TPD52L1: variants seen among roughly 807,000 people sequenced by gnomAD.
TPD52L1 encodes tumor protein D53.
Under a neutral mutation model 28.7 loss-of-function variants are expected in TPD52L1, and 18 were observed. The observed-to-expected ratio is 0.63, with a 90% confidence interval of 0.43 to 0.93. The LOEUF (loss-of-function observed/expected upper bound fraction) is 0.93, where lower values mean the gene tolerates loss of function less well. Ranked by LOEUF, TPD52L1 falls within the 40% of genes least tolerant of loss-of-function variation. TPD52L1 has a pLI of 0.00. For missense variants in TPD52L1, 203 were observed against 254.8 expected (o/e 0.80, Z 1.39); for synonymous variants, 75 against 88.8 (o/e 0.84, Z 0.88).
chr6:125,224,117 C>T (rs1795441690), intron 2 of TPD52L1, among the ~76,000 whole-genome samples: 1 of 151,782 alleles, frequency 6.6e-6, no homozygotes, highest in Admixed American at 6.6e-5. Context: ...GTGCCACTAT[C>T]ATCCCACTCC....
chr6:125,233,532 C>T (rs986762241), intron 3 of TPD52L1, among the ~76,000 whole-genome samples: 5 of 152,136 alleles, frequency 3.3e-5, no homozygotes, highest in African/African-American at 1.2e-4. Context: ...TTACACAAGG[C>T]AGGAAGTAGA....
At chr6:125,228,928 T>C in intron 2 of TPD52L1, 190 bp from the exon 3 acceptor site, 1 of 427,662 alleles carries the variant, frequency 2.3e-6, no homozygotes, top group Non-Finnish European at 4.1e-6. Flanking sequence ...CTATAATCAT[T>C]AAAATGAAAA....
At chr6:125,211,570 T>A (rs889334990) in intron 1 of TPD52L1, among the ~76,000 whole-genome samples, 1 of 152,172 alleles carries the variant, frequency 6.6e-6, no homozygotes, top group Non-Finnish European at 1.5e-5. Flanking sequence ...GTATGCAGAT[T>A]TCCCTGATCC....
At chr6:125,154,592 C>T in intron 1 of TPD52L1, 8 of 957,706 alleles carry the variant, frequency 8.4e-6, no homozygotes, top group Non-Finnish European at 9.9e-6. Flanking sequence ...CGCGGGGCCC[C>T]CGGCCGCCCA....
At chr6:125,155,682 TAAGA>T (rs57514240) in intron 1 of TPD52L1, among the ~76,000 whole-genome samples, 23,493 of 152,072 alleles carry the variant, frequency 0.15, 2,207 homozygotes, top group African/African-American at 0.27. Context: ...ATGCTGATGC[TAAGA>T]AAGGGCCTCA....
At chr6:125,260,981 GAAAAGAAAGAAAGAAA>G (rs1797961296) in intron 6 of TPD52L1, 1 of 55,450 alleles carries the variant, frequency 1.8e-5, no homozygotes, top group Non-Finnish European at 3.2e-5. Flanking sequence ...AGAAAGAAAA[GAAAAGAAAGAAAGAAA>G]GAAAGAAAGA....
chr6:125,220,196 A>T lies in TPD52L1; in HGVS notation c.135+3A>T. 1 of 1,571,490 alleles carries T rather than the reference A, an allele frequency of 6.4e-7. No homozygotes were observed. The highest frequency in any genetic ancestry group is 8.8e-7 in the Non-Finnish European group (1 of 1,141,424). Reference sequence around the variant, plus strand: ...AGTTAAAAGCAGAGTTAGTTCAGGTATGTTTAGTAATCTTATTGTTGCTAT... The same window carrying T: ...AGTTAAAAGCAGAGTTAGTTCAGGTTTGTTTAGTAATCTTATTGTTGCTAT... On this transcript the variant is annotated splice_donor_region_variant and intron_variant, in intron 2 of 6. Transcript: ENST00000534000.
intron 4 of TPD52L1, among the ~76,000 whole-genome samples, chr6:125,251,268 A>T (rs1049071488): frequency 6.6e-6 from 1 of 152,162 alleles, no homozygotes; most frequent in African/African-American, 2.4e-5. Context: ...ATTAGTCTAC[A>T]TTTTTATTAG....
chr6:125,211,458 C>T (rs1164083393), intron 1 of TPD52L1, among the ~76,000 whole-genome samples: 5 of 152,262 alleles, frequency 3.3e-5, no homozygotes, highest in African/African-American at 1.2e-4. Flanking sequence ...AAAGTCTGTG[C>T]TGCAATATGT....
intron 1 of TPD52L1, among the ~76,000 whole-genome samples, chr6:125,180,870 A>G (rs757956822): frequency 5.9e-5 from 9 of 152,228 alleles, no homozygotes; most frequent in Non-Finnish European, 1.2e-4. Context: ...TTGCAGCCAA[A>G]TGACTTGCTA....
At chr6:125,210,168 A>G (rs1022563022) in intron 1 of TPD52L1, among the ~76,000 whole-genome samples, 5 of 152,244 alleles carry the variant, frequency 3.3e-5, no homozygotes, top group African/African-American at 1.2e-4. Context: ...ATAAATTCCA[A>G]TGAGCTCAGA....
chr6:125,205,479 G>A (rs1794064366), intron 1 of TPD52L1, among the ~76,000 whole-genome samples: 1 of 152,172 alleles, frequency 6.6e-6, no homozygotes, highest in Non-Finnish European at 1.5e-5. Flanking sequence ...ACAAGCTAGG[G>A]ATGGGACCAG....
chr6:125,172,525 T>TTATATATAC, intron 1 of TPD52L1, among the ~76,000 whole-genome samples: 2 of 71,160 alleles, frequency 2.8e-5, no homozygotes, highest in South Asian at 8.5e-4. Flanking sequence ...TATATATATA[T>TTATATATAC]ATATATATAT....
chr6:125,201,383 A>C (rs920116568), intron 1 of TPD52L1, among the ~76,000 whole-genome samples: 1 of 152,248 alleles, frequency 6.6e-6, no homozygotes, highest in East Asian at 1.9e-4. Flanking sequence ...GAAAAATAGT[A>C]TACAGTGTGG....
intron 1 of TPD52L1, among the ~76,000 whole-genome samples, chr6:125,156,520 AG>A (rs1157407173): frequency 1.3e-5 from 2 of 150,998 alleles, no homozygotes; most frequent in Non-Finnish European, 2.9e-5. Flanking sequence ...CTGTAATTCC[AG>A]CACTTTGGGA....
At chr6:125,253,533 C>T (rs931991466) in intron 4 of TPD52L1, 184 bp from the exon 5 acceptor site, 2 of 576,854 alleles carry the variant, frequency 3.5e-6, no homozygotes, top group Non-Finnish European at 6.1e-6. Flanking sequence ...TCATTTATAC[C>T]CTTGAAAGCT....
chr6:125,226,447 G>T lies in TPD52L1; in HGVS notation c.136-2671G>T, dbSNP rs1795616336. On this transcript the variant is annotated intron_variant, in intron 2 of 6. Coordinates refer to ENST00000534000, the MANE Select transcript of TPD52L1 (RefSeq NM_003287.4). ...TTATTAAAAATTTAATGGCAGCTCT[G>T]AATCCTTTCCTCACTCCCCACCTCC... 1.3e-5 allele frequency among the ~76,000 whole-genome samples: 2 copies of T among 151,942 alleles called. 1 individual carries two copies. The highest frequency in any genetic ancestry group is 4.2e-4 in the South Asian group (2 of 4,804).
intron 1 of TPD52L1, among the ~76,000 whole-genome samples, chr6:125,192,665 T>C (rs1196310659): frequency 6.6e-6 from 1 of 152,184 alleles, no homozygotes; most frequent in Non-Finnish European, 1.5e-5. Flanking sequence ...TCTGAATTAA[T>C]AAGAACCAAG....
At chr6:125,169,503 T>C (rs1397719087) in intron 1 of TPD52L1, among the ~76,000 whole-genome samples, 2 of 152,172 alleles carry the variant, frequency 1.3e-5, no homozygotes, top group Non-Finnish European at 2.9e-5. Context: ...CTCATTTCAG[T>C]TAATGACAAC....
Sources: gnomAD v4.1 joint callset for allele counts (sites outside exome capture counted in the v4.1 genomes callset) on GRCh38, gnomAD v4.1.1 for gene constraint, MANE v1.5 for transcripts, NCBI Gene and HGNC (gene_info 2026-07-23, HGNC 2026-07-21) for gene names.